The following PTPRS variants were observed in gnomAD, a reference collection of about 807,000 sequenced individuals.
PTPRS encodes the protein receptor-type tyrosine-protein phosphatase S.
Under a neutral mutation model 215.3 loss-of-function variants are expected in PTPRS, and 63 were observed. That is an observed-to-expected ratio of 0.29 (90% CI 0.24 to 0.36). The LOEUF (loss-of-function observed/expected upper bound fraction) is 0.36. PTPRS is among the 10% of genes least tolerant of loss of function. The pLI is 1.00. For synonymous variants in PTPRS, 1,404 were observed against 1,191.4 expected (o/e 1.18, Z -3.68); for missense variants, 2,258 against 2,825.8 (o/e 0.80, Z 4.56).
intron 1 of PTPRS, among the ~76,000 whole-genome samples, chr19:5,334,767 G>A (rs2050439018): frequency 6.6e-6 from 1 of 152,320 alleles, no homozygotes; most frequent in East Asian, 1.9e-4. Flanking sequence ...TGTGGGCTGT[G>A]TGAAGTGACC....
In PTPRS at chr19:5,286,175, G is replaced by C; in HGVS notation, c.-35C>G. On this transcript the variant is annotated 5_prime_UTR_variant, in exon 2 of 38. Transcript: ENST00000262963. Reference sequence around the variant, plus strand: ...CGACCTCCGATCTCCGCCCTGGAGGGGGATGGCCCCCCGGTCCCTCACAGA... The same window carrying C: ...CGACCTCCGATCTCCGCCCTGGAGGCGGATGGCCCCCCGGTCCCTCACAGA... The C allele has an allele frequency of 6.2e-7, 1 of 1,608,656 alleles. No individual in the cohort carries two copies. Among genetic ancestry groups the C allele is most frequent in the African/African-American group, 1.3e-5 (1 of 74,894 alleles).
rs1187222093 is a variant in PTPRS at position 5,295,971 on chromosome 19, G to A, written c.-94-9737C>T. The stretch of plus-strand genomic sequence containing the variant: ...GGATCTCCCCATGTTGCCCCGACTG[G>A]TCTCGAACTCCTAGACTCAAGTGAA... On this transcript the variant is annotated intron_variant, in intron 1 of 37. Coordinates refer to ENST00000262963, the MANE Select transcript of PTPRS (RefSeq NM_002850.4). The surrounding 1 kb of genome is among the most constrained non-coding windows in gnomAD (Gnocchi z 4.6). Among the ~76,000 whole-genome samples the A allele has an allele frequency of 2.6e-5, 4 of 152,064 alleles. No homozygotes were observed. The highest frequency in any genetic ancestry group is 1.9e-4 in the East Asian group (1 of 5,178).
At chr19:5,222,567 T>A in intron 18 of PTPRS, 122 bp downstream of exon 18, 1 of 1,174,790 alleles carries the variant, frequency 8.5e-7, no homozygotes, top group South Asian at 1.7e-5. Context: ...GGACTTGCCT[T>A]GAGTGACCAC....
rs1327384973 is a variant in PTPRS at position 5,244,379 on chromosome 19, G to A, written c.1092C>T (p.Val364=). ...SGNPDPVSYY[V]IEYKSKSQDG... ...CTTGGCTCTTGGATTTATATTCGAT[G>A]ACGTAATAGGACACAGGATCTGGGT... Residue 364 remains valine (V), a synonymous_variant, in exon 11 of 38, where the codon GTC becomes GTT. Transcript: ENST00000262963. The surrounding 1 kb of genome is among the most constrained non-coding windows in gnomAD (Gnocchi z 7.2). The A allele has an allele frequency of 6.8e-6, 11 of 1,614,090 alleles. No individual in the cohort carries two copies. In the East Asian group the frequency reaches 2.0e-4, roughly 29 times the overall value.
rs199851847 is a variant in PTPRS, at chr19:5,244,212, C to A, written c.1259G>T (p.Arg420Leu). 6 of 1,607,592 alleles carry A rather than the reference C, an allele frequency of 3.7e-6. No individual in the cohort carries two copies. The highest frequency in any genetic ancestry group is 5.1e-6 in the Non-Finnish European group (6 of 1,176,572). ...GCTGGCCGGGGCCTGCTCGCCTGTG[C>A]GGGTGACCACGGACTCGCTGGGGGG... ...QGPPSESVVTRTGEQAPASAP... is the reference protein window; with the variant it reads ...QGPPSESVVTLTGEQAPASAP... Residue 420 changes from arginine (R) to leucine (L), a missense_variant, in exon 11 of 38, where the codon CGC becomes CTC. Coordinates refer to ENST00000262963, the MANE Select transcript of PTPRS (RefSeq NM_002850.4). This position sits in a 1 kb window ranked among gnomAD's most constrained non-coding sequence, Gnocchi z 7.2.
chr19:5,289,938 C>G (rs2048673007), intron 1 of PTPRS, among the ~76,000 whole-genome samples: 1 of 152,214 alleles, frequency 6.6e-6, no homozygotes, highest in Non-Finnish European at 1.5e-5. Context: ...CCACCATGTC[C>G]TCTTGCAAAA....
intron 1 of PTPRS, among the ~76,000 whole-genome samples, chr19:5,327,803 G>A (rs1273945389): frequency 1.3e-5 from 2 of 151,964 alleles, no homozygotes; most frequent in African/African-American, 4.8e-5. Flanking sequence ...GTCTTCCTAT[G>A]TTGCCCAGGT....
At chr19:5,263,266 C>T (rs1357348411) in intron 5 of PTPRS, among the ~76,000 whole-genome samples, 1 of 152,138 alleles carries the variant, frequency 6.6e-6, no homozygotes, top group Non-Finnish European at 1.5e-5. Context: ...GAGCTGCAAA[C>T]ATCCTCAGCC....
intron 16 of PTPRS, 82 bp from the exon 17 acceptor site, chr19:5,225,926 G>A (rs2042451303): frequency 8.5e-7 from 1 of 1,175,486 alleles, no homozygotes; most frequent in Non-Finnish European, 1.3e-6. Flanking sequence ...CTGAGAACAA[G>A]CAAGGAGGAT....
intron 4 of PTPRS, among the ~76,000 whole-genome samples, chr19:5,270,964 A>G (rs1431264187): frequency 6.6e-6 from 1 of 152,160 alleles, no homozygotes; most frequent in Non-Finnish European, 1.5e-5. Flanking sequence ...GGATGACTGT[A>G]CAGGTCACTC....
At chr19:5,221,648 T>C (rs1262880214) in intron 19 of PTPRS, among the ~76,000 whole-genome samples, 1 of 152,120 alleles carries the variant, frequency 6.6e-6, no homozygotes, top group Non-Finnish European at 1.5e-5. Context: ...GATCCTAGAC[T>C]GATTCCTGAT....
rs1310946919 is a variant in PTPRS, at chr19:5,240,176, A to G, written c.1704+23T>C. The G allele has an allele frequency of 2.0e-6, 3 of 1,509,856 alleles. No individual in the cohort carries two copies. The South Asian group carries it at 3.8e-5, about 19-fold the overall frequency. 93.5% of individuals were successfully genotyped at this position (1,509,856 alleles called of 1,614,324 possible). A position where few individuals can be genotyped will look rare whatever the true frequency, so the allele number is the denominator to read the frequency against. On this transcript the variant is annotated intron_variant, in intron 12 of 37. Coordinates refer to ENST00000262963, the MANE Select transcript of PTPRS (RefSeq NM_002850.4). ...GCCGGGGAGGAGCCCAGGGCAGGCC[A>G]GCCCGTCCCCGCGCTGCCTCACCTC...
chr19:5,329,468 G>A (rs772308928), intron 1 of PTPRS, among the ~76,000 whole-genome samples: 24 of 152,128 alleles, frequency 1.6e-4, no homozygotes, highest in Non-Finnish European at 2.1e-4. Flanking sequence ...GGTTTTCCTT[G>A]TTTAAAAATT....
chr19:5,273,605 A>T (rs1349188551), intron 3 of PTPRS, 22 bp from the exon 4 acceptor site: 1 of 1,613,940 alleles, frequency 6.2e-7, no homozygotes, highest in Non-Finnish European at 8.5e-7. Flanking sequence ...AGGGGAAAAA[A>T]GAACAGAGTG....
intron 2 of PTPRS, among the ~76,000 whole-genome samples, chr19:5,274,777 C>T (rs2047217254): frequency 6.6e-6 from 1 of 152,182 alleles, no homozygotes; most frequent in African/African-American, 2.4e-5. Context: ...CCTGGAGGGC[C>T]CTGAAAGCAC....
At chr19:5,233,975 A>AAAAAAAAAAAAC (rs2043223951) in intron 13 of PTPRS, among the ~76,000 whole-genome samples, 2 of 137,150 alleles carry the variant, frequency 1.5e-5, no homozygotes, top group Non-Finnish European at 3.1e-5. Context: ...AAAAAAAAAA[A>AAAAAAAAAAAAC]AATCTATATG....
At chr19:5,291,523 C>CG (rs567581099) in intron 1 of PTPRS, among the ~76,000 whole-genome samples, 218 of 152,210 alleles carry the variant, frequency 1.4e-3, no homozygotes, top group Middle Eastern at 3.4e-3. Context: ...CACACACCCA[C>CG]GGGGGCTCCC....
At chr19:5,329,105 G>T (rs1367709974) in intron 1 of PTPRS, among the ~76,000 whole-genome samples, 1 of 152,168 alleles carries the variant, frequency 6.6e-6, no homozygotes, top group East Asian at 1.9e-4. Context: ...AACGGGGTGC[G>T]GGAGGCAATG....
At chr19:5,232,268 A>G (rs1210119992) in intron 13 of PTPRS, among the ~76,000 whole-genome samples, 2 of 151,318 alleles carry the variant, frequency 1.3e-5, no homozygotes, top group Non-Finnish European at 2.9e-5. Context: ...TCCATTTATT[A>G]AAGGCTTATT....
Sources: gnomAD v4.1 joint callset for allele counts (sites outside exome capture counted in the v4.1 genomes callset) on GRCh38, gnomAD v4.1.1 for gene constraint, Gnocchi (gnomAD v3.1) non-coding constraint, MANE v1.5 for transcripts, NCBI Gene and HGNC (gene_info 2026-07-23, HGNC 2026-07-21) for gene names.